CGNL1: variants seen among roughly 807,000 people sequenced by gnomAD.
CGNL1 encodes cingulin-like protein 1.
Under a neutral mutation model 141.2 loss-of-function variants are expected in CGNL1, and 132 were observed. That is an observed-to-expected ratio of 0.93 (90% CI 0.81 to 1.08). The LOEUF (loss-of-function observed/expected upper bound fraction) is 1.08. Ranked by LOEUF, CGNL1 falls within the 50% of genes least tolerant of loss-of-function variation. The pLI, the probability that CGNL1 is intolerant of heterozygous loss-of-function variation, is 0.00. For missense variants in CGNL1, 1,870 were observed against 1,588.6 expected, an observed-to-expected ratio of 1.18 and a Z score of -3.01; for synonymous variants, 690 against 622.1, an observed-to-expected ratio of 1.11 and a Z score of -1.63.
At chr15:57,482,897 G>A (rs144555736) in intron 8 of CGNL1, among the ~76,000 whole-genome samples, 16 of 151,368 alleles carry the variant, frequency 1.1e-4, no homozygotes, top group South Asian at 4.2e-4. Flanking sequence ...CAATTCTTCT[G>A]CCTCAACCTC....
At chr15:57,465,548 A>G (rs2063501437) in intron 8 of CGNL1, among the ~76,000 whole-genome samples, 1 of 150,924 alleles carries the variant, frequency 6.6e-6, no homozygotes, top group Non-Finnish European at 1.5e-5. Flanking sequence ...GCGCCACCAC[A>G]CCTGACTAAT....
chr15:57,451,234 A>G (rs1366000697), intron 4 of CGNL1, among the ~76,000 whole-genome samples: 1 of 152,236 alleles, frequency 6.6e-6, no homozygotes, highest in Admixed American at 6.5e-5. Context: ...ATATTGGACT[A>G]GTGTTGATAT....
At chr15:57,520,604 A>G (rs1342345436) in intron 10 of CGNL1, among the ~76,000 whole-genome samples, 1 of 152,216 alleles carries the variant, frequency 6.6e-6, no homozygotes, top group African/African-American at 2.4e-5. Flanking sequence ...ACTTAAGGCA[A>G]GGCATCTATG....
intron 8 of CGNL1, among the ~76,000 whole-genome samples, chr15:57,501,662 A>C (rs2064026885): frequency 6.6e-6 from 1 of 152,170 alleles, no homozygotes; most frequent in Non-Finnish European, 1.5e-5. Flanking sequence ...GTCAAGGTAC[A>C]ATTTGCCAGC....
At chr15:57,481,087 A>T (rs1292239387) in intron 8 of CGNL1, among the ~76,000 whole-genome samples, 3 of 80,300 alleles carry the variant, frequency 3.7e-5, no homozygotes, top group Non-Finnish European at 2.7e-5. Context: ...TTTTTTTTTT[A>T]AAGATGGGCA....
intron 12 of CGNL1, among the ~76,000 whole-genome samples, chr15:57,525,416 A>G (rs1409803413): frequency 2.6e-5 from 4 of 152,246 alleles, no homozygotes; most frequent in Admixed American, 2.6e-4. Context: ...GCTGATTTCT[A>G]GCTATACCTC....
Position 57,438,090 on chromosome 15 carries a change from A to G in CGNL1, c.91A>G (p.Ser31Gly), listed in dbSNP as rs1373575778. The G allele has an allele frequency of 6.2e-7, 1 of 1,614,172 alleles. No homozygotes were observed. Among genetic ancestry groups the G allele is most frequent in the South Asian group, 1.1e-5 (1 of 91,072 alleles). The stretch of plus-strand genomic sequence containing the variant: ...AAGTGATGATACCCAAAAATCAAGG[A>G]GTTCCCAGAACTCCAAGGCAGGCTC... ...LASDDTQKSRSSQNSKAGSYG... is the reference protein window; with the variant it reads ...LASDDTQKSRGSQNSKAGSYG... The change falls in exon 2 of 19, where the codon AGT becomes GGT. Residue 31 changes from serine (S) to glycine (G), a missense_variant. Physicochemically the swap from Ser to Gly is moderately conservative, Grantham distance 56. Transcript: ENST00000281282.
intron 1 of CGNL1, among the ~76,000 whole-genome samples, chr15:57,408,920 T>C (rs932621143): frequency 1.3e-5 from 2 of 151,998 alleles, no homozygotes; most frequent in African/African-American, 2.4e-5. Flanking sequence ...TGTGCGCCTG[T>C]AATCCAGCTA....
chr15:57,455,043 C>T (rs2063362899), intron 7 of CGNL1, among the ~76,000 whole-genome samples: 1 of 151,936 alleles, frequency 6.6e-6, no homozygotes, highest in South Asian at 2.1e-4. Context: ...TCATAATGTC[C>T]CTACAGTTTT....
intron 1 of CGNL1, among the ~76,000 whole-genome samples, chr15:57,407,866 C>T (rs1439916029): frequency 2.0e-5 from 3 of 151,464 alleles, no homozygotes; most frequent in Non-Finnish European, 4.4e-5. Context: ...CTCCTGCCCC[C>T]GCCTCCTGAG....
At chr15:57,479,276 A>C (rs1019587752) in intron 8 of CGNL1, among the ~76,000 whole-genome samples, 34 of 152,232 alleles carry the variant, frequency 2.2e-4, no homozygotes, top group African/African-American at 7.7e-4. Context: ...AGAGTAAGCC[A>C]GAAAAAGGGG....
chr15:57,411,025 T>A (rs1250909463), intron 1 of CGNL1, among the ~76,000 whole-genome samples: 4 of 152,034 alleles, frequency 2.6e-5, no homozygotes, highest in African/African-American at 4.8e-5. Context: ...CCAAGTTTTT[T>A]AAAAAATAAC....
intron 11 of CGNL1, 23 bp from the exon 12 acceptor site, chr15:57,524,558 C>G: frequency 6.2e-7 from 1 of 1,604,260 alleles, no homozygotes; most frequent in Non-Finnish European, 8.5e-7. Context: ...AGGGTGGGCT[C>G]ACACCCGTGT....
intron 4 of CGNL1, among the ~76,000 whole-genome samples, chr15:57,443,554 C>T (rs1387292370): frequency 6.6e-6 from 1 of 152,218 alleles, no homozygotes; most frequent in African/African-American, 2.4e-5. Flanking sequence ...AACCTACCAT[C>T]TTTACTACTT....
intron 8 of CGNL1, among the ~76,000 whole-genome samples, chr15:57,472,067 A>G (rs2063588884): frequency 6.6e-6 from 1 of 152,040 alleles, no homozygotes; most frequent in Non-Finnish European, 1.5e-5. Context: ...CAAGACCCCC[A>G]TCTCAGAAAA....
At chr15:57,455,035 A>G (rs1464348988) in intron 7 of CGNL1, among the ~76,000 whole-genome samples, 1 of 152,226 alleles carries the variant, frequency 6.6e-6, no homozygotes, top group African/African-American at 2.4e-5. Flanking sequence ...AAGGACAATC[A>G]TAATGTCCCT....
At chr15:57,396,941 G>C (rs1255509741) in intron 1 of CGNL1, 5 of 152,176 alleles carry the variant, frequency 3.3e-5, no homozygotes, top group African/African-American at 1.2e-4. Context: ...TAGTCCAGTG[G>C]AAGAGAAAGA....
chr15:57,444,324 G>A (rs1297254477), intron 4 of CGNL1, among the ~76,000 whole-genome samples: 2 of 152,096 alleles, frequency 1.3e-5, no homozygotes, highest in African/African-American at 2.4e-5. Context: ...ATAACATAGT[G>A]TGTATTCTTG....
At chr15:57,450,024 T>C (rs1268965071) in intron 4 of CGNL1, among the ~76,000 whole-genome samples, 1 of 152,254 alleles carries the variant, frequency 6.6e-6, no homozygotes, top group African/African-American at 2.4e-5. Flanking sequence ...AACGTTCACG[T>C]ACAGGTTTTT....
Sources: allele counts gnomAD v4.1 joint callset (sites outside exome capture counted in the v4.1 genomes callset), GRCh38; gene constraint gnomAD v4.1.1; transcripts MANE v1.5; gene names NCBI Gene and HGNC (gene_info 2026-07-23, HGNC 2026-07-21).